The following ALPK3 variants were observed in gnomAD, a reference collection of about 807,000 sequenced individuals.
The protein encoded by ALPK3 is alpha-protein kinase 3.
A neutral mutation model predicts 140.0 loss-of-function variants in ALPK3; 102 were observed. The observed-to-expected ratio is 0.73, with a 90% CI of 0.62 to 0.86. ALPK3 has a LOEUF of 0.86. Among genes scored for constraint, ALPK3 ranks in the 40% least tolerant of loss-of-function variants. ALPK3 has a pLI of 0.00. For missense variants in ALPK3, 2,254 were observed against 2,208.2 expected, an observed-to-expected ratio of 1.02 and a Z score of -0.42; for synonymous variants, 938 against 898.5, an observed-to-expected ratio of 1.04 and a Z score of -0.79.
intron 4 of ALPK3, 48 bp downstream of exon 4, chr15:84,839,145 T>A: frequency 6.8e-7 from 1 of 1,470,526 alleles, no homozygotes. Context: ...CCGAGGGCCC[T>A]CTGGCTGGGG....
Position 84,863,647 on chromosome 15 carries a change from A to G in ALPK3, c.4499+7A>G. Reference sequence around the variant, plus strand: ...GCTTTGGGGAGGTGCCTGAGTAAGTACGCAGCGAGGAGGACGTGCAGTGTG... The same window carrying G: ...GCTTTGGGGAGGTGCCTGAGTAAGTGCGCAGCGAGGAGGACGTGCAGTGTG... On this transcript the variant is annotated splice_region_variant and intron_variant, in intron 11 of 13. Coordinates refer to ENST00000258888, the MANE Select transcript of ALPK3 (RefSeq NM_020778.5). 6.2e-7 allele frequency: 1 copy of G among 1,613,520 alleles called. No homozygotes were observed.
chr15:84,856,323 G>A, intron 5 of ALPK3, 69 bp from the exon 6 acceptor site: 1 of 1,529,824 alleles, frequency 6.5e-7, no homozygotes, highest in Non-Finnish European at 8.8e-7. Context: ...AGGAGACTGG[G>A]ATGCCAGACT....
In ALPK3 at chr15:84,857,475, C is replaced by T. The variant is rs2141568220; in HGVS notation, c.2737C>T (p.His913Tyr). The T allele has an allele frequency of 1.2e-6, 2 of 1,608,960 alleles. No individual in the cohort carries two copies. The highest frequency in any genetic ancestry group is 2.2e-5 in the South Asian group (2 of 90,556). The stretch of plus-strand genomic sequence containing the variant: ...CCTGATGAGTTCTGCCCCAACACTG[C>T]ACCTGGGGCTGGGGACCCCCACTCA... ...QVLMSSAPTLHLGLGTPTQSH... is the reference protein window; with the variant it reads ...QVLMSSAPTLYLGLGTPTQSH... Residue 913 changes from histidine to tyrosine, a missense_variant, in exon 6 of 14, where the codon CAC becomes TAC. Physicochemically the swap from His to Tyr is moderately conservative, Grantham distance 83 (BLOSUM62 2). Coordinates refer to ENST00000258888, the MANE Select transcript of ALPK3 (RefSeq NM_020778.5).
intron 5 of ALPK3, 51 bp from the exon 6 acceptor site, chr15:84,856,341 G>T: frequency 1.3e-6 from 2 of 1,540,262 alleles, no homozygotes; most frequent in East Asian, 2.3e-5. Context: ...ACTGGAAAGA[G>T]ATCTGAATGT....
intron 9 of ALPK3, 34 bp downstream of exon 9, chr15:84,860,106 CT>C: frequency 6.2e-7 from 1 of 1,612,034 alleles, no homozygotes; most frequent in Non-Finnish European, 8.5e-7. Flanking sequence ...CGGGGTGGTC[CT>C]ACCCCTGCCA....
Position 84,858,269 on chromosome 15 carries a change from CG to C in ALPK3, c.3535del (p.Glu1179ArgfsTer93), listed in dbSNP as rs1567094168. 2.5e-6 allele frequency: 4 copies of C among 1,593,908 alleles called. No individual in the cohort carries two copies. The highest frequency in any genetic ancestry group is 3.5e-5 in the Admixed American group (2 of 56,998). On this transcript the variant is annotated frameshift_variant, in exon 6 of 14. Transcript: ENST00000258888. LOFTEE classifies it high-confidence loss of function. ...TCCCTAAGGTCAGAGCAGCAGGAGA[CG>C]GGGAGGCAACCACACCTGAAGAAAG... The part of the protein sequence containing the change: ...FLPKVRAAGD[G>X]EATTPEERES...
intron 5 of ALPK3, among the ~76,000 whole-genome samples, chr15:84,848,634 A>G (rs1387667831): frequency 1.3e-5 from 2 of 152,248 alleles, no homozygotes; most frequent in African/African-American, 2.4e-5. Context: ...TATATTAACT[A>G]TAAATGGTCT....
chr15:84,861,818 C>T (rs1963949024), intron 9 of ALPK3, among the ~76,000 whole-genome samples: 1 of 151,992 alleles, frequency 6.6e-6, no homozygotes, highest in Non-Finnish European at 1.5e-5. Flanking sequence ...CATAGGTGAC[C>T]AGTGAGGTTT....
At chr15:84,864,808 G>A in intron 12 of ALPK3, 143 bp downstream of exon 12, 1 of 935,638 alleles carries the variant, frequency 1.1e-6, no homozygotes, top group South Asian at 1.7e-5. Flanking sequence ...ATCTTGTAAA[G>A]TAGATTGGAC....
chr15:84,863,040 T>C, intron 10 of ALPK3, 125 bp downstream of exon 10: 2 of 1,309,358 alleles, frequency 1.5e-6, no homozygotes, highest in South Asian at 1.5e-5. Flanking sequence ...CTTATGAGGC[T>C]CCTAGGAGGA....
chr15:84,859,671 AGAGCTGGGGTTCACAGCAGCCTCT>A, intron 7 of ALPK3, 81 bp from the exon 8 acceptor site: 1 of 1,442,154 alleles, frequency 6.9e-7, no homozygotes, highest in Non-Finnish European at 9.1e-7. Context: ...CAAAGCTCTC[AGAGCTGGGGTTCACAGCAGCCTCT>A]GAGAGTGGGG....
chr15:84,826,920 C>T (rs2141548459), intron 2 of ALPK3, among the ~76,000 whole-genome samples: 1 of 152,286 alleles, frequency 6.6e-6, no homozygotes, highest in East Asian at 1.9e-4. Context: ...AGACCCCTAG[C>T]ATTGGCCAGC....
intron 5 of ALPK3, among the ~76,000 whole-genome samples, chr15:84,854,970 T>C (rs1286477439): frequency 6.6e-6 from 1 of 152,252 alleles, no homozygotes; most frequent in Non-Finnish European, 1.5e-5. Context: ...ACTACATTTG[T>C]TCCCTGGTGA....
chr15:84,868,674 C>T lies in ALPK3; in HGVS notation c.*218C>T, dbSNP rs1964032655. Reference sequence around the variant, plus strand: ...CTGGCCTCTTCTGGTGCCACTGTCACCCAGGGCTCCCGGGCCTCAAGCAGT... The same window carrying T: ...CTGGCCTCTTCTGGTGCCACTGTCATCCAGGGCTCCCGGGCCTCAAGCAGT... On this transcript the variant is annotated 3_prime_UTR_variant, in exon 14 of 14. Transcript: ENST00000258888. 1.4e-5 allele frequency: 8 copies of T among 586,074 alleles called. No individual in the cohort carries two copies. The highest frequency in any genetic ancestry group is 1.1e-4 in the African/African-American group (6 of 53,698). 36.3% of individuals were successfully genotyped at this position (586,074 alleles called of 1,614,324 possible).
chr15:84,862,015 T>C (rs1963950508), intron 9 of ALPK3, among the ~76,000 whole-genome samples: 1 of 151,998 alleles, frequency 6.6e-6, no homozygotes, highest in African/African-American at 2.4e-5. Flanking sequence ...CTCTAATAGC[T>C]TTTGCTAGCT....
chr15:84,844,129 T>C (rs2141559551), intron 5 of ALPK3, among the ~76,000 whole-genome samples: 1 of 152,304 alleles, frequency 6.6e-6, no homozygotes, highest in South Asian at 2.1e-4. Context: ...TTCGGGAGGC[T>C]GAGGCAGATA....
chr15:84,850,551 A>G, intron 5 of ALPK3, among the ~76,000 whole-genome samples: 1 of 151,588 alleles, frequency 6.6e-6, no homozygotes, highest in East Asian at 1.9e-4. Context: ...ACCTGGCTAA[A>G]TATTTTGTTT....
chr15:84,852,691 A>G (rs1205461019), intron 5 of ALPK3: 1 of 182,246 alleles, frequency 5.5e-6, no homozygotes, highest in Non-Finnish European at 1.2e-5. Flanking sequence ...CAGTTAACTG[A>G]AACCACGGAA....
Position 84,856,505 on chromosome 15 carries a change from T to C in ALPK3, c.1767T>C (p.Asp589=). 1 of 1,613,964 alleles carries C rather than the reference T, an allele frequency of 6.2e-7. No individual in the cohort carries two copies. The highest frequency in any genetic ancestry group is 8.5e-7 in the Non-Finnish European group (1 of 1,179,994). ...GTCAAGGTATCATTGAACCCATGGA[T>C]ATGGAAACCCAGGAGGATGGGAGAA... The part of the protein sequence containing the change: ...SGSQGIIEPM[D]METQEDGRTS... Residue 589 remains aspartate (D), a synonymous_variant, in exon 6 of 14, where the codon GAT becomes GAC. Transcript: ENST00000258888.
Sources: gnomAD v4.1 joint callset for allele counts (sites outside exome capture counted in the v4.1 genomes callset) on GRCh38, gnomAD v4.1.1 for gene constraint, MANE v1.5 for transcripts, NCBI Gene and HGNC (gene_info 2026-07-23, HGNC 2026-07-21) for gene names.